Variants in ITFG1 observed in about 807,000 individuals in gnomAD.
The protein encoded by ITFG1 is integrin alpha FG-GAP repeat containing 1.
A neutral mutation model predicts 81.8 loss-of-function variants in ITFG1; 34 were observed. That is an observed-to-expected ratio of 0.42 (90% CI 0.32 to 0.55). The LOEUF (loss-of-function observed/expected upper bound fraction) is 0.55, where lower values mean the gene tolerates loss of function less well. ITFG1 is among the 20% of genes least tolerant of loss of function. The pLI is 0.17. For missense variants in ITFG1, 672 were observed against 755.4 expected (o/e 0.89, Z 1.29); for synonymous variants, 285 against 270.6 (o/e 1.05, Z -0.52).
intron 6 of ITFG1, among the ~76,000 whole-genome samples, chr16:47,384,740 A>T (rs1968438345): frequency 6.6e-6 from 1 of 152,212 alleles, no homozygotes; most frequent in Non-Finnish European, 1.5e-5. Context: ...ACATCTTTTA[A>T]ATATCTCTGA....
chr16:47,290,272 G>A (rs960107800), intron 10 of ITFG1, among the ~76,000 whole-genome samples: 1 of 152,144 alleles, frequency 6.6e-6, no homozygotes, highest in Non-Finnish European at 1.5e-5. Context: ...CTGATGGAAA[G>A]AATGTGCCTT....
At chr16:47,403,786 A>G (rs893700659) in intron 6 of ITFG1, among the ~76,000 whole-genome samples, 4 of 151,304 alleles carry the variant, frequency 2.6e-5, no homozygotes, top group African/African-American at 9.7e-5. Context: ...ACACACACAC[A>G]CACACACACA....
At chr16:47,362,620 C>T (rs1968123557) in intron 8 of ITFG1, among the ~76,000 whole-genome samples, 1 of 152,174 alleles carries the variant, frequency 6.6e-6, no homozygotes, top group African/African-American at 2.4e-5. Context: ...CTAACCAAAC[C>T]ATTTTTATGT....
At chr16:47,194,703 A>T (rs1171371919) in intron 14 of ITFG1, among the ~76,000 whole-genome samples, 1 of 151,218 alleles carries the variant, frequency 6.6e-6, no homozygotes, top group Non-Finnish European at 1.5e-5. Context: ...TTTTCTACTT[A>T]ATATATATAT....
rs182357365 is a variant in ITFG1, at chr16:47,222,417, T to C, written c.1375-3471A>G. Reference sequence around the variant, plus strand: ...TGGTTTTGAGTGAGTTTCTTTCTTTTTTTTTTTTTTTTTTGAGACGAAGTC... The same window carrying C: ...TGGTTTTGAGTGAGTTTCTTTCTTTCTTTTTTTTTTTTTTGAGACGAAGTC... On this transcript the variant is annotated intron_variant, in intron 13 of 17. Coordinates refer to ENST00000320640, the MANE Select transcript of ITFG1 (RefSeq NM_030790.5). Among the ~76,000 whole-genome samples the C allele has an allele frequency of 2.4e-3, 362 of 148,844 alleles. 8 individuals are homozygous for C. In the East Asian group the frequency reaches 0.059, roughly 24 times the overall value.
At chr16:47,263,798 T>C (rs1018577869) in intron 10 of ITFG1, among the ~76,000 whole-genome samples, 1 of 152,210 alleles carries the variant, frequency 6.6e-6, no homozygotes, top group Non-Finnish European at 1.5e-5. Context: ...TTCTTAATTT[T>C]TGATATCAGT....
chr16:47,458,283 G>A (rs888602629), intron 2 of ITFG1, among the ~76,000 whole-genome samples: 15 of 152,114 alleles, frequency 9.9e-5, no homozygotes, highest in African/African-American at 3.6e-4. Context: ...ACTTTTGTCA[G>A]GCAGATCTTT....
chr16:47,393,796 C>T (rs1040429953), intron 6 of ITFG1, among the ~76,000 whole-genome samples: 1 of 151,848 alleles, frequency 6.6e-6, no homozygotes, highest in African/African-American at 2.4e-5. Context: ...AATACAAGAC[C>T]ATGTAATTAT....
chr16:47,372,217 T>C (rs1042050808), intron 7 of ITFG1, among the ~76,000 whole-genome samples: 1 of 152,176 alleles, frequency 6.6e-6, no homozygotes, highest in African/African-American at 2.4e-5. Flanking sequence ...AACCAATTCC[T>C]TGACATGTCT....
At chr16:47,355,969 A>G (rs1450158998) in intron 8 of ITFG1, among the ~76,000 whole-genome samples, 3 of 152,234 alleles carry the variant, frequency 2.0e-5, no homozygotes, top group Non-Finnish European at 2.9e-5. Context: ...CATATATACT[A>G]GTAGGTCACT....
At chr16:47,311,454 A>G in intron 9 of ITFG1, 42 bp from the exon 10 acceptor site, 4 of 1,443,568 alleles carry the variant, frequency 2.8e-6, no homozygotes, top group Non-Finnish European at 3.7e-6. Flanking sequence ...TAGTTATTTT[A>G]TAAAAAAATT....
intron 10 of ITFG1, among the ~76,000 whole-genome samples, chr16:47,286,565 G>A (rs368463048): frequency 1.1e-4 from 16 of 151,794 alleles, no homozygotes; most frequent in Non-Finnish European, 1.3e-4. Flanking sequence ...ACTTGAACCC[G>A]GGAGGCAGAG....
At chr16:47,207,739 G>A (rs1049414311) in intron 14 of ITFG1, among the ~76,000 whole-genome samples, 1 of 152,186 alleles carries the variant, frequency 6.6e-6, no homozygotes, top group African/African-American at 2.4e-5. Context: ...GGGGGCCACA[G>A]GACGTTAACT....
chr16:47,457,921 C>T (rs1969474565), intron 2 of ITFG1, among the ~76,000 whole-genome samples: 2 of 152,134 alleles, frequency 1.3e-5, no homozygotes, highest in African/African-American at 4.8e-5. Context: ...CCTGTTTATC[C>T]ATTTATAACT....
intron 8 of ITFG1, among the ~76,000 whole-genome samples, chr16:47,352,919 G>A (rs1439037984): frequency 1.3e-5 from 2 of 152,126 alleles, no homozygotes; most frequent in Non-Finnish European, 2.9e-5. Flanking sequence ...CGACATGGAT[G>A]AAGCTGGAAA....
intron 14 of ITFG1, among the ~76,000 whole-genome samples, chr16:47,210,882 G>A (rs1489983448): frequency 1.3e-5 from 2 of 152,076 alleles, no homozygotes; most frequent in East Asian, 1.9e-4. Flanking sequence ...TTACATAGAC[G>A]AATTCCACCT....
chr16:47,202,268 C>G (rs1287373261), intron 14 of ITFG1: 1 of 152,114 alleles, frequency 6.6e-6, no homozygotes, highest in Non-Finnish European at 1.5e-5. Flanking sequence ...TCTCTTTCAC[C>G]TAGCAAGGTA....
chr16:47,365,913 T>A, intron 7 of ITFG1, 44 bp from the exon 8 acceptor site: 1 of 1,021,848 alleles, frequency 9.8e-7, no homozygotes. Flanking sequence ...CTTAATCCAC[T>A]CATTTGTTAA....
At chr16:47,329,505 A>C (rs1282988219) in intron 8 of ITFG1, among the ~76,000 whole-genome samples, 2 of 152,136 alleles carry the variant, frequency 1.3e-5, no homozygotes, top group Non-Finnish European at 2.9e-5. Flanking sequence ...TTGCCTTGGG[A>C]AAGTTATTTA....
Sources: allele counts gnomAD v4.1 joint callset (sites outside exome capture counted in the v4.1 genomes callset), GRCh38; gene constraint gnomAD v4.1.1; transcripts MANE v1.5; gene names NCBI Gene and HGNC (gene_info 2026-07-23, HGNC 2026-07-21).